The following PDE9A variants were observed in gnomAD, a reference collection of about 807,000 sequenced individuals.
PDE9A encodes the protein high affinity cGMP-specific 3',5'-cyclic phosphodiesterase 9A.
A neutral mutation model predicts 87.4 loss-of-function variants in PDE9A; 60 were observed. The observed-to-expected ratio is 0.69, with a 90% CI of 0.56 to 0.85. PDE9A has a LOEUF of 0.85. Ranked by LOEUF, PDE9A falls within the 40% of genes least tolerant of loss-of-function variation. The pLI is 0.00. For synonymous variants in PDE9A, 272 were observed against 279.4 expected, an observed-to-expected ratio of 0.97 and a Z score of 0.27; for missense variants, 665 against 779.0, an observed-to-expected ratio of 0.85 and a Z score of 1.74.
intron 18 of PDE9A, among the ~76,000 whole-genome samples, chr21:42,771,654 A>G (rs1255133471): frequency 1.3e-5 from 2 of 152,222 alleles, no homozygotes; most frequent in Non-Finnish European, 2.9e-5. Flanking sequence ...CCTGAAGCCC[A>G]TGTGGCCCAC....
rs769987900 is a variant in PDE9A, at chr21:42,765,470, C to T, written c.1332C>T (p.Tyr444=). ...SFKEKMENFD[Y]SNEEHMTLLK... The stretch of plus-strand genomic sequence containing the variant: ...AAGAGAAAATGGAGAATTTTGACTA[C>T]AGCAACGAGGAGCACATGACCCTGG... The change falls in exon 15 of 20, where the codon TAC becomes TAT. Residue 444 remains tyrosine (Y), a synonymous_variant. Coordinates refer to ENST00000291539, the MANE Select transcript of PDE9A (RefSeq NM_002606.3). 1.2e-6 allele frequency: 2 copies of T among 1,608,916 alleles called. No homozygotes were observed. Among genetic ancestry groups the T allele is most frequent in the East Asian group, 4.5e-5 (2 of 44,814 alleles).
intron 1 of PDE9A, among the ~76,000 whole-genome samples, chr21:42,657,924 C>T (rs1266522350): frequency 1.3e-5 from 2 of 152,206 alleles, no homozygotes; most frequent in East Asian, 1.9e-4. Flanking sequence ...CTTGAGTTTG[C>T]GGGGCTGTTT....
chr21:42,763,477 C>G (rs1190843333), intron 14 of PDE9A, among the ~76,000 whole-genome samples: 1 of 152,202 alleles, frequency 6.6e-6, no homozygotes, highest in African/African-American at 2.4e-5. Context: ...AACTAAGGGA[C>G]TTCGGGGCCC....
chr21:42,724,110 G>C (rs1026295116), intron 4 of PDE9A, among the ~76,000 whole-genome samples: 3 of 152,158 alleles, frequency 2.0e-5, no homozygotes, highest in African/African-American at 4.8e-5. Context: ...AGGTGCTAGA[G>C]GGGGTAAGGC....
chr21:42,665,008 G>A (rs2057868546), intron 1 of PDE9A, among the ~76,000 whole-genome samples: 1 of 152,262 alleles, frequency 6.6e-6, no homozygotes, highest in Admixed American at 6.5e-5. Context: ...AGGTCATACT[G>A]CATTGGGATG....
chr21:42,686,214 A>G lies in PDE9A; in HGVS notation c.92A>G (p.Asn31Ser), dbSNP rs1270879374. 6 of 1,613,462 alleles carry G rather than the reference A, an allele frequency of 3.7e-6. No individual in the cohort carries two copies. Among genetic ancestry groups the G allele is most frequent in the African/African-American group, 1.3e-5 (1 of 74,776 alleles). ...CAGGTAATCTTCAGCAAGTACTGCAACTCCAGCGACATCATGGACCTGTTC... is the reference window on the plus strand; with the variant it reads ...CAGGTAATCTTCAGCAAGTACTGCAGCTCCAGCGACATCATGGACCTGTTC... Reference protein sequence around the residue: ...IQKVIFSKYCNSSDIMDLFCI... With the variant: ...IQKVIFSKYCSSSDIMDLFCI... The change falls in exon 2 of 20, where the codon AAC becomes AGC. Residue 31 changes from asparagine (N) to serine (S), a missense_variant. By Grantham distance (46) the Asn-to-Ser change is conservative (BLOSUM62 1). Coordinates refer to ENST00000291539, the MANE Select transcript of PDE9A (RefSeq NM_002606.3).
chr21:42,701,252 G>A (rs982434844), intron 4 of PDE9A: 3 of 151,440 alleles, frequency 2.0e-5, no homozygotes, highest in South Asian at 2.1e-4. Context: ...TTCAATTTCC[G>A]GTAGTTTTTA....
intron 7 of PDE9A, 111 bp downstream of exon 7, chr21:42,733,537 C>A (rs560457976): frequency 3.0e-6 from 2 of 673,628 alleles, no homozygotes; most frequent in Admixed American, 2.5e-5. Flanking sequence ...AAATAAATGT[C>A]TTTTCTTTGT....
chr21:42,670,319 CTCACAT>C lies in PDE9A; in HGVS notation c.70-15867_70-15862del, dbSNP rs1422997109. Among the ~76,000 whole-genome samples the C allele has an allele frequency of 1.8e-3, 213 of 115,266 alleles. 1 individual carries two copies. The highest frequency in any genetic ancestry group is 0.012 in the African/African-American group (197 of 16,736). 75.6% of individuals were successfully genotyped at this position (115,266 alleles called of 152,430 possible). On this transcript the variant is annotated intron_variant, in intron 1 of 19. Coordinates refer to ENST00000291539, the MANE Select transcript of PDE9A (RefSeq NM_002606.3). ...CACACACATACACTTAGACACCACA[CTCACAT>C]TCACACACATTCACATACATTTACA... is the stretch of plus-strand genomic sequence containing the variant.
At chr21:42,740,687 C>T (rs1011794755) in intron 7 of PDE9A, among the ~76,000 whole-genome samples, 2 of 141,346 alleles carry the variant, frequency 1.4e-5, no homozygotes, top group Non-Finnish European at 3.0e-5. Context: ...GATAGATACA[C>T]AGTAGGTAGG....
At chr21:42,756,035 TCA>T (rs983827709) in intron 10 of PDE9A, among the ~76,000 whole-genome samples, 1 of 152,226 alleles carries the variant, frequency 6.6e-6, no homozygotes, top group African/African-American at 2.4e-5. Flanking sequence ...TGTCCTCTGA[TCA>T]CAGAGTGGAT....
At chr21:42,743,124 G>A (rs978503479) in intron 7 of PDE9A, among the ~76,000 whole-genome samples, 4 of 152,216 alleles carry the variant, frequency 2.6e-5, no homozygotes, top group African/African-American at 9.6e-5. Flanking sequence ...GAAGCAAGAT[G>A]GAGCCCGCTA....
At position 42,692,394 on chromosome 21, in the gene PDE9A, C is replaced by T. The variant is rs2059897001; in HGVS notation, c.218+4400C>T. On this transcript the variant is annotated intron_variant, in intron 3 of 19. Transcript: ENST00000291539. This position sits in a 1 kb window ranked among gnomAD's most constrained non-coding sequence, Gnocchi z 4.3. ...GCACAGGACAGGCCCACAACAATGA[C>T]ACACGTGGCCGGAGACATCAGCGGT... is the stretch of plus-strand genomic sequence containing the variant. Among the ~76,000 whole-genome samples the T allele has an allele frequency of 6.6e-6, 1 of 152,194 alleles. No individual in the cohort carries two copies. Among genetic ancestry groups the T allele is most frequent in the Admixed American group, 6.5e-5 (1 of 15,282 alleles).
chr21:42,765,287 A>C, intron 14 of PDE9A, 94 bp from the exon 15 acceptor site: 1 of 657,824 alleles, frequency 1.5e-6, no homozygotes, highest in South Asian at 1.9e-5. Context: ...GATACATGAA[A>C]TAATGTGTGC....
At position 42,675,431 on chromosome 21, in the gene PDE9A, A is replaced by G. The variant is rs2058796095; in HGVS notation, c.70-10761A>G. 6.6e-6 allele frequency among the ~76,000 whole-genome samples: 1 copy of G among 152,220 alleles called. No homozygotes were observed. The highest frequency in any genetic ancestry group is 2.1e-4 in the South Asian group (1 of 4,838). Reference sequence around the variant, plus strand: ...GGGGGTGCAGTGGAGATTAGATTAGATCGTCCGTGGAAAGCACCAGAATGG... The same window carrying G: ...GGGGGTGCAGTGGAGATTAGATTAGGTCGTCCGTGGAAAGCACCAGAATGG... On this transcript the variant is annotated intron_variant, in intron 1 of 19. Transcript: ENST00000291539. The surrounding 1 kb of genome is among the most constrained non-coding windows in gnomAD (Gnocchi z 4.3).
Position 42,759,852 on chromosome 21 carries a change from T to C in PDE9A, c.898-476T>C, listed in dbSNP as rs770635444. 2.0e-5 allele frequency among the ~76,000 whole-genome samples: 3 copies of C among 150,968 alleles called. No homozygotes were observed. Among genetic ancestry groups the C allele is most frequent in the African/African-American group, 4.9e-5 (2 of 40,978 alleles). On this transcript the variant is annotated intron_variant, in intron 11 of 19. Coordinates refer to ENST00000291539, the MANE Select transcript of PDE9A (RefSeq NM_002606.3). This position sits in a 1 kb window ranked among gnomAD's most constrained non-coding sequence, Gnocchi z 7.2. Reference sequence around the variant, plus strand: ...GTGGGGTGTGTGAGTGTGTGGTGTGTGAGTGGGTGTGTGCATGTGGGTGTC... The same window carrying C: ...GTGGGGTGTGTGAGTGTGTGGTGTGCGAGTGGGTGTGTGCATGTGGGTGTC...
chr21:42,767,563 C>T (rs749369678), intron 15 of PDE9A, among the ~76,000 whole-genome samples: 1 of 151,892 alleles, frequency 6.6e-6, no homozygotes, highest in African/African-American at 2.4e-5. Flanking sequence ...CACCTAGTCA[C>T]GTTCCCCAAA....
At chr21:42,768,402 G>A (rs2056609256) in intron 16 of PDE9A, 110 bp downstream of exon 16, 2 of 1,017,328 alleles carry the variant, frequency 2.0e-6, no homozygotes, top group Admixed American at 2.3e-5. Context: ...TCCCCGGGCT[G>A]CCGACAGTTC....
At chr21:42,763,435 C>CAGT (rs1241500356) in intron 14 of PDE9A, among the ~76,000 whole-genome samples, 1 of 152,154 alleles carries the variant, frequency 6.6e-6, no homozygotes. Context: ...CATGAAGACG[C>CAGT]AGTGATTGGA....
Sources: allele counts gnomAD v4.1 joint callset (sites outside exome capture counted in the v4.1 genomes callset), GRCh38; gene constraint gnomAD v4.1.1; non-coding constraint Gnocchi (gnomAD v3.1); transcripts MANE v1.5; gene names NCBI Gene and HGNC (gene_info 2026-07-23, HGNC 2026-07-21).